BAALC: variants seen among roughly 807,000 people sequenced by gnomAD.
The protein encoded by BAALC is BAALC binder of MAP3K1 and KLF4, also known as brain and acute leukemia cytoplasmic protein.
A neutral mutation model predicts 15.5 loss-of-function variants in BAALC; 9 were observed. That is an observed-to-expected ratio of 0.58 (90% CI 0.35 to 1.02). The LOEUF (loss-of-function observed/expected upper bound fraction) is 1.02, where lower values mean the gene tolerates loss of function less well. Among genes scored for constraint, BAALC ranks in the 50% least tolerant of loss-of-function variants. The probability of loss-of-function intolerance (pLI) is 0.02; values close to 1 mark genes in which losing one functional copy is unlikely to be tolerated. For synonymous variants in BAALC, 80 were observed against 74.6 expected, an observed-to-expected ratio of 1.07 and a Z score of -0.37; for missense variants, 201 against 192.4, an observed-to-expected ratio of 1.04 and a Z score of -0.27.
chr8:103,163,231 G>T (rs1563639111), intron 1 of BAALC, among the ~76,000 whole-genome samples: 1 of 151,754 alleles, frequency 6.6e-6, no homozygotes, highest in Non-Finnish European at 1.5e-5. Flanking sequence ...CCTCTTTCAT[G>T]ATTTGTCCCA....
At chr8:103,178,543 C>A (rs1472360862) in intron 1 of BAALC, among the ~76,000 whole-genome samples, 1 of 152,086 alleles carries the variant, frequency 6.6e-6, no homozygotes, top group African/African-American at 2.4e-5. Context: ...TTACAACAAT[C>A]TATAGATGAT....
chr8:103,169,553 C>G (rs952838678), intron 1 of BAALC, among the ~76,000 whole-genome samples: 2 of 152,184 alleles, frequency 1.3e-5, no homozygotes, highest in South Asian at 2.1e-4. Flanking sequence ...TATAGAGTAT[C>G]TGGCTGGATC....
At chr8:103,171,025 C>T (rs1367530758) in intron 1 of BAALC, among the ~76,000 whole-genome samples, 1 of 151,850 alleles carries the variant, frequency 6.6e-6, no homozygotes, top group African/African-American at 2.4e-5. Context: ...TTTTAAAATG[C>T]CAATCTGATT....
Position 103,168,915 on chromosome 8 carries a change from G to A in BAALC, c.160+27858G>A, listed in dbSNP as rs577338410. Among the ~76,000 whole-genome samples the A allele has an allele frequency of 9.3e-4, 141 of 151,926 alleles. 1 individual carries two copies. Among genetic ancestry groups the A allele is most frequent in the Non-Finnish European group, 1.7e-3 (115 of 67,934 alleles). On this transcript the variant is annotated intron_variant, in intron 1 of 2. Transcript: ENST00000309982. The stretch of plus-strand genomic sequence containing the variant: ...TTTTTTATGCCTTCTACATTTAATC[G>A]ATAGTTTGGCGGGGTATAAAATCTC...
At chr8:103,141,191 A>G (rs1357222733) in intron 1 of BAALC, 134 bp downstream of exon 1, 7 of 1,038,790 alleles carry the variant, frequency 6.7e-6, no homozygotes, top group Non-Finnish European at 9.1e-6. Flanking sequence ...CAGAGGCAGG[A>G]CCTGCCCACT....
chr8:103,170,595 C>T (rs540894107), intron 1 of BAALC, among the ~76,000 whole-genome samples: 26 of 152,238 alleles, frequency 1.7e-4, no homozygotes, highest in Admixed American at 4.6e-4. Context: ...CCACAGCCAC[C>T]GCAAGCTAGG....
chr8:103,220,410 C>G (rs1002739136), intron 2 of BAALC, among the ~76,000 whole-genome samples: 1 of 152,202 alleles, frequency 6.6e-6, no homozygotes, highest in Non-Finnish European at 1.5e-5. Context: ...GCAATGCACA[C>G]AGTTTCTGTT....
chr8:103,201,458 C>T (rs78722260), intron 1 of BAALC, among the ~76,000 whole-genome samples: 8,215 of 152,284 alleles, frequency 0.054, 248 homozygotes, highest in South Asian at 0.1. Context: ...GTGAGATCTA[C>T]ACTGTGTCAC....
intron 1 of BAALC, among the ~76,000 whole-genome samples, chr8:103,158,356 G>C (rs1811145927): frequency 6.6e-6 from 1 of 152,142 alleles, no homozygotes; most frequent in South Asian, 2.1e-4. Flanking sequence ...CTTATCCATG[G>C]AGAATAAGTT....
intron 1 of BAALC, 72 bp downstream of exon 1, chr8:103,141,129 G>A (rs1810765425): frequency 1.5e-6 from 2 of 1,367,662 alleles, no homozygotes; most frequent in Admixed American, 4.0e-5. Context: ...CACTGAGAGA[G>A]GAGCCGGTTC....
intron 1 of BAALC, among the ~76,000 whole-genome samples, chr8:103,203,475 C>T (rs911896415): frequency 1.3e-5 from 2 of 152,162 alleles, no homozygotes; most frequent in Middle Eastern, 3.2e-3. Context: ...TTAAAGCATA[C>T]AATTAAATGA....
intron 1 of BAALC, among the ~76,000 whole-genome samples, chr8:103,180,042 G>T (rs1811691609): frequency 6.6e-6 from 1 of 152,220 alleles, no homozygotes; most frequent in African/African-American, 2.4e-5. Context: ...GCCAGGTTCT[G>T]GGATTACTGG....
At chr8:103,212,541 A>G (rs973434945) in intron 1 of BAALC, among the ~76,000 whole-genome samples, 6 of 152,236 alleles carry the variant, frequency 3.9e-5, no homozygotes, top group African/African-American at 1.4e-4. Context: ...GTAATTTAAA[A>G]TAAAACTTTA....
chr8:103,153,919 C>T (rs1018077579), intron 1 of BAALC, among the ~76,000 whole-genome samples: 5 of 152,092 alleles, frequency 3.3e-5, no homozygotes, highest in African/African-American at 4.8e-5. Context: ...GGCATGGCAG[C>T]GGTTACAATG....
intron 1 of BAALC, among the ~76,000 whole-genome samples, chr8:103,175,851 C>T (rs1811595844): frequency 6.6e-6 from 1 of 152,300 alleles, no homozygotes; most frequent in South Asian, 2.1e-4. Context: ...TACTCTGGAC[C>T]AGGTCCCTGC....
intron 2 of BAALC, among the ~76,000 whole-genome samples, chr8:103,219,965 C>T (rs958039045): frequency 2.6e-5 from 4 of 152,068 alleles, no homozygotes; most frequent in African/African-American, 9.7e-5. Flanking sequence ...CATTTTTAAC[C>T]CTTACAACTC....
At chr8:103,146,710 G>C (rs958041458) in intron 1 of BAALC, among the ~76,000 whole-genome samples, 1 of 152,128 alleles carries the variant, frequency 6.6e-6, no homozygotes, top group Non-Finnish European at 1.5e-5. Context: ...TGTCTGATGG[G>C]CTGCACAGTA....
At chr8:103,151,667 C>G (rs1442563621) in intron 1 of BAALC, among the ~76,000 whole-genome samples, 1 of 152,108 alleles carries the variant, frequency 6.6e-6, no homozygotes, top group Non-Finnish European at 1.5e-5. Context: ...ATCTCACCAC[C>G]TCTCAGCAAT....
At chr8:103,200,096 G>A (rs1812181117) in intron 1 of BAALC, among the ~76,000 whole-genome samples, 1 of 152,030 alleles carries the variant, frequency 6.6e-6, no homozygotes, top group South Asian at 2.1e-4. Flanking sequence ...CTTTACTATT[G>A]TGAATAGTGC....
Sources: allele counts gnomAD v4.1 joint callset (sites outside exome capture counted in the v4.1 genomes callset), GRCh38; gene constraint gnomAD v4.1.1; transcripts MANE v1.5; gene names NCBI Gene and HGNC (gene_info 2026-07-23, HGNC 2026-07-21).